EPS8: variants seen among roughly 807,000 people sequenced by gnomAD.
The protein encoded by EPS8 is epidermal growth factor receptor kinase substrate 8.
EPS8 carries 42 observed loss-of-function variants against 103.8 expected under a neutral mutation model. The ratio of observed to expected loss-of-function variants is 0.40; its 90% CI spans 0.32 to 0.52. EPS8 has a LOEUF of 0.52. EPS8 is among the 20% of genes least tolerant of loss of function. The pLI is 0.40. For synonymous variants in EPS8, 344 were observed against 344.6 expected (o/e 1.00, Z 0.02); for missense variants, 969 against 1,005.1 (o/e 0.96, Z 0.49).
At chr12:15,673,567 T>G (rs1055265700) in intron 3 of EPS8, among the ~76,000 whole-genome samples, 13 of 152,144 alleles carry the variant, frequency 8.5e-5, no homozygotes, top group Non-Finnish European at 2.9e-5. Flanking sequence ...AGATGAATCC[T>G]CTAATGAAAT....
chr12:15,768,298 C>T (rs1038633426), intron 1 of EPS8, among the ~76,000 whole-genome samples: 1 of 151,336 alleles, frequency 6.6e-6, no homozygotes, highest in Non-Finnish European at 1.5e-5. Flanking sequence ...ATTAGCCGGG[C>T]GTGGTGGCGG....
In EPS8 at chr12:15,733,801, A is replaced by C. The variant is rs1419773299; in HGVS notation, c.-21-50829T>G. ...GAGAAGGGACTAGGCTTTTCTCCAC[A>C]GCAAGAAATGTAAAAACATTGAAAA... On this transcript the variant is annotated intron_variant, in intron 1 of 20. Coordinates refer to ENST00000281172, the MANE Select transcript of EPS8 (RefSeq NM_004447.6). This position sits in a 1 kb window ranked among gnomAD's most constrained non-coding sequence, Gnocchi z 4.8. 6.6e-6 allele frequency among the ~76,000 whole-genome samples: 1 copy of C among 152,214 alleles called. No individual in the cohort carries two copies. Among genetic ancestry groups the C allele is most frequent in the African/African-American group, 2.4e-5 (1 of 41,444 alleles).
chr12:15,659,106 A>T (rs1444304194), intron 10 of EPS8, among the ~76,000 whole-genome samples: 1 of 152,176 alleles, frequency 6.6e-6, no homozygotes, highest in Non-Finnish European at 1.5e-5. Flanking sequence ...AAACAAGGAA[A>T]GGGGGAATTG....
At chr12:15,664,870 T>A (rs1025779856) in intron 8 of EPS8, among the ~76,000 whole-genome samples, 1 of 152,210 alleles carries the variant, frequency 6.6e-6, no homozygotes, top group Non-Finnish European at 1.5e-5. Flanking sequence ...GGCATTTTTT[T>A]AGTTATAAAC....
chr12:15,678,391 C>G (rs1366738311), intron 3 of EPS8, among the ~76,000 whole-genome samples: 2 of 151,978 alleles, frequency 1.3e-5, no homozygotes, highest in African/African-American at 4.8e-5. Flanking sequence ...CAATTTAAAG[C>G]CATCTTACTT....
In EPS8 at chr12:15,778,203, T is replaced by A. The variant is rs1040288242; in HGVS notation, c.-22+10958A>T. 2.0e-5 allele frequency among the ~76,000 whole-genome samples: 3 copies of A among 152,202 alleles called. No homozygotes were observed. The highest frequency in any genetic ancestry group is 7.2e-5 in the African/African-American group (3 of 41,458). The stretch of plus-strand genomic sequence containing the variant: ...ATAATACTTTAAGCAAATCTGAGAA[T>A]TAATGCACACGAAAATCTTCAGAGG... On this transcript the variant is annotated intron_variant, in intron 1 of 20. Transcript: ENST00000281172. This position sits in a 1 kb window ranked among gnomAD's most constrained non-coding sequence, Gnocchi z 4.5.
At chr12:15,662,309 C>G in intron 8 of EPS8, 1 of 1,322,004 alleles carries the variant, frequency 7.6e-7, no homozygotes, top group Non-Finnish European at 9.6e-7. Context: ...AAGTATTAGT[C>G]CTCTCAACTT....
At position 15,650,818 on chromosome 12, in the gene EPS8, AC is replaced by A; in HGVS notation, c.1434+4del. On this transcript the variant is annotated splice_donor_region_variant and intron_variant, in intron 14 of 20. Coordinates refer to ENST00000281172, the MANE Select transcript of EPS8 (RefSeq NM_004447.6). Reference sequence around the variant, plus strand: ...TACAGAGGGCAATGTTAAAAAAAAAACTACCTCTGTGGATAATCTTTTTATT... The same window carrying A: ...TACAGAGGGCAATGTTAAAAAAAAAATACCTCTGTGGATAATCTTTTTATT... The A allele has an allele frequency of 6.2e-7, 1 of 1,611,518 alleles. No homozygotes were observed. The highest frequency in any genetic ancestry group is 8.5e-7 in the Non-Finnish European group (1 of 1,178,554).
intron 3 of EPS8, among the ~76,000 whole-genome samples, chr12:15,673,135 C>G (rs1945845301): frequency 6.6e-6 from 1 of 152,164 alleles, no homozygotes; most frequent in Admixed American, 6.5e-5. Flanking sequence ...GCATTTTAAA[C>G]AGTATGACAT....
rs551546334 is a variant in EPS8, at chr12:15,727,634, C to T, written c.-21-44662G>A. Among the ~76,000 whole-genome samples, 15 of 152,166 alleles carry T rather than the reference C, an allele frequency of 9.9e-5. No individual in the cohort carries two copies. The South Asian group carries it at 1.7e-3, about 17-fold the overall frequency. Reference sequence around the variant, plus strand: ...CAGCACCTTGGGAGGCCGAGGTGGGCGGATCACGAGGTCAGGAGTTCGAGA... The same window carrying T: ...CAGCACCTTGGGAGGCCGAGGTGGGTGGATCACGAGGTCAGGAGTTCGAGA... On this transcript the variant is annotated intron_variant, in intron 1 of 20. Coordinates refer to ENST00000281172, the MANE Select transcript of EPS8 (RefSeq NM_004447.6). The surrounding 1 kb of genome is among the most constrained non-coding windows in gnomAD (Gnocchi z 4.3).
At chr12:15,691,154 T>C (rs1425435150) in intron 1 of EPS8, among the ~76,000 whole-genome samples, 1 of 150,930 alleles carries the variant, frequency 6.6e-6, no homozygotes, top group African/African-American at 2.4e-5. Flanking sequence ...TTATAGGCAA[T>C]AGAAGACAGC....
At chr12:15,740,504 C>G (rs1946809510) in intron 1 of EPS8, among the ~76,000 whole-genome samples, 1 of 151,814 alleles carries the variant, frequency 6.6e-6, no homozygotes, top group African/African-American at 2.4e-5. Flanking sequence ...GAGATCATGC[C>G]ACTACACTCC....
chr12:15,777,278 A>C lies in EPS8; in HGVS notation c.-22+11883T>G, dbSNP rs73054966. Among the ~76,000 whole-genome samples the C allele has an allele frequency of 0.19, 28,688 of 151,638 alleles. 3,605 individuals are homozygous for C. Among genetic ancestry groups the C allele is most frequent in the East Asian group, 0.48 (2,475 of 5,158 alleles). ...GTACTTACAAAGCAGAATGAAAAAA[A>C]ACACACACACACACACAAAACAAAA... On this transcript the variant is annotated intron_variant, in intron 1 of 20. Transcript: ENST00000281172. The surrounding 1 kb of genome is among the most constrained non-coding windows in gnomAD (Gnocchi z 4.7).
At chr12:15,657,938 C>A in intron 12 of EPS8, 141 bp downstream of exon 12, 1 of 621,372 alleles carries the variant, frequency 1.6e-6, no homozygotes, top group Non-Finnish European at 2.8e-6. Context: ...TCAAATTTTA[C>A]ATTCTTGATG....
intron 1 of EPS8, among the ~76,000 whole-genome samples, chr12:15,739,281 T>A (rs1346001124): frequency 6.6e-6 from 1 of 152,210 alleles, no homozygotes; most frequent in Non-Finnish European, 1.5e-5. Context: ...GTCCACATTC[T>A]CCACCACTGA....
At chr12:15,672,730 A>G (rs765555868) in intron 3 of EPS8, among the ~76,000 whole-genome samples, 150 of 152,340 alleles carry the variant, frequency 9.8e-4, no homozygotes, top group Middle Eastern at 3.4e-3. Context: ...AATACAATAT[A>G]TAATTCAGGA....
At chr12:15,708,999 C>T (rs2135954206) in intron 1 of EPS8, among the ~76,000 whole-genome samples, 1 of 152,344 alleles carries the variant, frequency 6.6e-6, no homozygotes, top group South Asian at 2.1e-4. Flanking sequence ...ATTCAGAGAG[C>T]CATGCCACAC....
At chr12:15,707,754 T>C (rs1276843197) in intron 1 of EPS8, among the ~76,000 whole-genome samples, 1 of 152,160 alleles carries the variant, frequency 6.6e-6, no homozygotes, top group Non-Finnish European at 1.5e-5. Context: ...GATTAGGCTT[T>C]ATGTACCACA....
At chr12:15,642,139 A>T (rs1387606151) in intron 15 of EPS8, among the ~76,000 whole-genome samples, 1 of 152,100 alleles carries the variant, frequency 6.6e-6, no homozygotes, top group Non-Finnish European at 1.5e-5. Context: ...TATTATGTTA[A>T]TTACCATCTC....
Sources: gnomAD v4.1 joint callset for allele counts (sites outside exome capture counted in the v4.1 genomes callset) on GRCh38, gnomAD v4.1.1 for gene constraint, Gnocchi (gnomAD v3.1) non-coding constraint, MANE v1.5 for transcripts, NCBI Gene and HGNC (gene_info 2026-07-23, HGNC 2026-07-21) for gene names.